FREM3: variants seen among roughly 807,000 people sequenced by gnomAD.
The protein encoded by FREM3 is FRAS1 related extracellular matrix 3.
Under a neutral mutation model 129.1 loss-of-function variants are expected in FREM3, and 105 were observed. That is an observed-to-expected ratio of 0.81 (90% CI 0.69 to 0.96). FREM3 has a LOEUF of 0.96. FREM3 is among the 40% of genes least tolerant of loss of function. The pLI is 0.00. For missense variants in FREM3, 2,593 were observed against 2,666.3 expected (o/e 0.97, Z 0.61); for synonymous variants, 1,014 against 1,044.9 (o/e 0.97, Z 0.57).
intron 2 of FREM3, among the ~76,000 whole-genome samples, chr4:143,673,620 G>C (rs978218495): frequency 6.6e-6 from 1 of 152,326 alleles, no homozygotes; most frequent in East Asian, 1.9e-4. Flanking sequence ...CTTCAAAGCT[G>C]TCAGACAGGG....
chr4:143,647,536 T>C (rs1008435938), intron 2 of FREM3, among the ~76,000 whole-genome samples: 5 of 152,180 alleles, frequency 3.3e-5, no homozygotes, highest in African/African-American at 1.2e-4. Flanking sequence ...TGCTGCTTTG[T>C]GTGGTCTTGG....
rs61745865 is a variant in FREM3 at position 143,698,161 on chromosome 4, T to G, written c.2515A>C (p.Ile839Leu). The G allele has an allele frequency of 0.071, 108,882 of 1,537,400 alleles. 4,612 individuals are homozygous for G. Among genetic ancestry groups the G allele is most frequent in the Non-Finnish European group, 0.086 (98,427 of 1,146,940 alleles). Residue 839 changes from isoleucine to leucine, a missense_variant, in exon 1 of 8, where the codon ATC (isoleucine) becomes CTC (leucine). By Grantham distance (5) the Ile-to-Leu change is conservative. Coordinates refer to ENST00000329798, the MANE Select transcript of FREM3 (RefSeq NM_001168235.2). ...AGGTTAAAGCTGCCTCCCTCTAAGA[T>G]AGCAAAGCCTCTGTTGGTGACTTCT... ...PPEVTNRGFA[I>L]LEGGSFNLSS...
Position 143,585,733 on chromosome 4 carries a change from C to A in FREM3, c.6178+111G>T. On this transcript the variant is annotated intron_variant, in intron 7 of 7. Transcript: ENST00000329798. The surrounding 1 kb of genome is among the most constrained non-coding windows in gnomAD (Gnocchi z 4.2). ...CATCTACGTGCTGAAGCCAGAGAAA[C>A]TTTCATTCAGAGTCCATCAACAAAG... 8.9e-7 allele frequency: 1 copy of A among 1,121,138 alleles called. No individual in the cohort carries two copies. Among genetic ancestry groups the A allele is most frequent in the East Asian group, 2.6e-5 (1 of 38,154 alleles). 69.4% of individuals were successfully genotyped at this position (1,121,138 alleles called of 1,614,324 possible). A position where few individuals can be genotyped will look rare whatever the true frequency, so the allele number is the denominator to read the frequency against.
At chr4:143,621,253 A>G in intron 4 of FREM3, 91 bp from the exon 5 acceptor site, 1 of 1,180,280 alleles carries the variant, frequency 8.5e-7, no homozygotes. Context: ...AAAGCCTTTG[A>G]CTCTTATATT....
intron 6 of FREM3, among the ~76,000 whole-genome samples, chr4:143,603,746 C>T (rs1201064543): frequency 1.3e-5 from 2 of 152,138 alleles, no homozygotes; most frequent in Non-Finnish European, 2.9e-5. Flanking sequence ...TCCCTCTTGA[C>T]CTAAATAATA....
chr4:143,691,004 A>G (rs1740456520), intron 2 of FREM3, among the ~76,000 whole-genome samples: 1 of 152,198 alleles, frequency 6.6e-6, no homozygotes, highest in South Asian at 2.1e-4. Context: ...CAGCCTGGGC[A>G]ACATAGAGGA....
chr4:143,593,769 T>C (rs1242640729), intron 6 of FREM3, among the ~76,000 whole-genome samples: 1 of 151,430 alleles, frequency 6.6e-6, no homozygotes, highest in African/African-American at 2.4e-5. Context: ...AGCTGTCAGA[T>C]AGGGACATTT....
chr4:143,696,111 A>G lies in FREM3; in HGVS notation c.4565T>C (p.Val1522Ala). 6.5e-7 allele frequency: 1 copy of G among 1,537,522 alleles called. No homozygotes were observed. The highest frequency in any genetic ancestry group is 8.7e-7 in the Non-Finnish European group (1 of 1,146,962). The change falls in exon 1 of 8, where the codon GTG (valine) becomes GCG (alanine). Residue 1522 changes from valine (V) to alanine (A), a missense_variant. By Grantham distance (64) the Val-to-Ala change is moderately conservative (BLOSUM62 0). Coordinates refer to ENST00000329798, the MANE Select transcript of FREM3 (RefSeq NM_001168235.2). ...EFQVIGELYPVFRTFRIFITD... is the reference protein window; with the variant it reads ...EFQVIGELYPAFRTFRIFITD... ...GATGAAGATCCTGAAGGTTCTGAAC[A>G]CAGGGTAGAGTTCGCCGATCACTTG...
chr4:143,632,383 G>A (rs1049624227), intron 2 of FREM3, among the ~76,000 whole-genome samples: 3 of 152,120 alleles, frequency 2.0e-5, no homozygotes, highest in African/African-American at 7.2e-5. Flanking sequence ...TCCTAAAGGG[G>A]TGATATTTGA....
chr4:143,668,842 A>G (rs912102940), intron 2 of FREM3, among the ~76,000 whole-genome samples: 1 of 152,250 alleles, frequency 6.6e-6, no homozygotes, highest in Admixed American at 6.5e-5. Flanking sequence ...AACCCGAATC[A>G]TTCTCATACA....
intron 6 of FREM3, among the ~76,000 whole-genome samples, chr4:143,606,996 T>G (rs768918966): frequency 4.6e-5 from 7 of 152,266 alleles, no homozygotes; most frequent in South Asian, 2.1e-4. Flanking sequence ...TATCCTTTAT[T>G]TAGTCTCTAG....
At chr4:143,586,663 A>G (rs1221821866) in intron 6 of FREM3, among the ~76,000 whole-genome samples, 1 of 152,206 alleles carries the variant, frequency 6.6e-6, no homozygotes, top group Non-Finnish European at 1.5e-5. Flanking sequence ...TAAAAGGAGA[A>G]AGAGGTTGAC....
chr4:143,699,003 T>A lies in FREM3; in HGVS notation c.1673A>T (p.Gln558Leu). ...TNTGLSLTEG[Q>L]VVQISPFVLS... ...TACAAAGGGAGAGATCTGGACCACC[T>A]GCCCTTCAGTGAGTGAGAGTCCTGT... Residue 558 changes from glutamine to leucine, a missense_variant, in exon 1 of 8, where the codon CAG (glutamine) becomes CTG (leucine). Gln to Leu is a moderately radical substitution (Grantham distance 113, BLOSUM62 -2). Coordinates refer to ENST00000329798, the MANE Select transcript of FREM3 (RefSeq NM_001168235.2). This position sits in a 1 kb window ranked among gnomAD's most constrained non-coding sequence, Gnocchi z 4.2. 1 of 1,537,320 alleles carries A rather than the reference T, an allele frequency of 6.5e-7. No homozygotes were observed. The highest frequency in any genetic ancestry group is 1.2e-5 in the South Asian group (1 of 84,064).
At chr4:143,649,092 G>A (rs1739468714) in intron 2 of FREM3, 1 of 152,032 alleles carries the variant, frequency 6.6e-6, no homozygotes, top group African/African-American at 2.4e-5. Flanking sequence ...AAATTCCATG[G>A]CTTAAAAATC....
chr4:143,657,543 A>G (rs769275787), intron 2 of FREM3, among the ~76,000 whole-genome samples: 5 of 152,170 alleles, frequency 3.3e-5, no homozygotes, highest in Admixed American at 3.3e-4. Context: ...CCAAATGATA[A>G]TTCATGATAG....
intron 6 of FREM3, among the ~76,000 whole-genome samples, chr4:143,606,938 T>G (rs1022811274): frequency 6.6e-6 from 1 of 152,028 alleles, no homozygotes; most frequent in East Asian, 1.9e-4. Flanking sequence ...ACCAGAAAAA[T>G]TTTCTTAAGT....
chr4:143,607,365 T>G (rs1227168337), intron 6 of FREM3, among the ~76,000 whole-genome samples: 1 of 152,130 alleles, frequency 6.6e-6, no homozygotes, highest in East Asian at 1.9e-4. Context: ...TGGTACTTTT[T>G]AATAGTACTT....
intron 6 of FREM3, 76 bp downstream of exon 6, chr4:143,611,203 T>C (rs1738748998): frequency 4.2e-6 from 6 of 1,421,330 alleles, no homozygotes; most frequent in Middle Eastern, 2.4e-4. Flanking sequence ...TTAAGCTACA[T>C]TTGCCTTTCA....
chr4:143,586,950 A>T (rs1469871738), intron 6 of FREM3, among the ~76,000 whole-genome samples: 1 of 152,224 alleles, frequency 6.6e-6, no homozygotes, highest in African/African-American at 2.4e-5. Flanking sequence ...TATGGAGATG[A>T]CACCTTTGCA....
Sources: allele counts gnomAD v4.1 joint callset (sites outside exome capture counted in the v4.1 genomes callset), GRCh38; gene constraint gnomAD v4.1.1; non-coding constraint Gnocchi (gnomAD v3.1); transcripts MANE v1.5; gene names NCBI Gene and HGNC (gene_info 2026-07-23, HGNC 2026-07-21).